CELA3A: variants seen among roughly 807,000 people sequenced by gnomAD.
The protein encoded by CELA3A is chymotrypsin like elastase 3A.
CELA3A carries 35 observed loss-of-function variants against 38.6 expected under a neutral mutation model. The observed-to-expected ratio is 0.91, with a 90% CI of 0.69 to 1.20. CELA3A has a LOEUF of 1.20. Among genes scored for constraint, CELA3A ranks in the 50% most tolerant of loss-of-function variants. The pLI, the probability that CELA3A is intolerant of heterozygous loss-of-function variation, is 0.00. For synonymous variants in CELA3A, 143 were observed against 136.7 expected (o/e 1.05, Z -0.32); for missense variants, 343 against 354.2 (o/e 0.97, Z 0.25).
At chr1:22,010,026 G>A (rs1247732065) in intron 7 of CELA3A, 169 bp downstream of exon 7, 8 of 1,046,648 alleles carry the variant, frequency 7.6e-6, no homozygotes, top group African/African-American at 1.7e-5. Flanking sequence ...CTGATACAGT[G>A]TGACCCCAGG....
At chr1:22,009,561 A>G in intron 6 of CELA3A, 144 bp from the exon 7 acceptor site, 1 of 1,131,834 alleles carries the variant, frequency 8.8e-7, no homozygotes, top group Non-Finnish European at 1.2e-6. Context: ...AAAAAAATAA[A>G]AATAATAAAT....
intron 1 of CELA3A, 139 bp from the exon 2 acceptor site, chr1:22,002,864 G>A: frequency 1.4e-6 from 1 of 724,842 alleles, no homozygotes; most frequent in Non-Finnish European, 2.3e-6. Context: ...TTCATATGTG[G>A]TTACTGAGGT....
intron 1 of CELA3A, chr1:22,002,732 C>A: frequency 2.1e-6 from 1 of 475,008 alleles, no homozygotes; most frequent in Non-Finnish European, 3.9e-6. Context: ...TCATCGAGGG[C>A]CAGGCATTGT....
intron 6 of CELA3A, among the ~76,000 whole-genome samples, chr1:22,008,509 C>T (rs1644964390): frequency 6.6e-6 from 1 of 150,816 alleles, no homozygotes; most frequent in African/African-American, 2.5e-5. Context: ...CCTGTAATCC[C>T]AGCACTTTGG....
chr1:22,007,958 C>T lies in CELA3A; in HGVS notation c.642+443C>T, dbSNP rs1365047372. Among the ~76,000 whole-genome samples the T allele has an allele frequency of 2.7e-5, 4 of 150,760 alleles. 1 individual carries two copies. Among genetic ancestry groups the T allele is most frequent in the Non-Finnish European group, 5.9e-5 (4 of 67,802 alleles). ...CTTGAGGCTAGGAGTTTGAGACCAG[C>T]CTAGGTAATATAGTGAGATGCCCAT... On this transcript the variant is annotated intron_variant, in intron 6 of 7. Coordinates refer to ENST00000290122, the MANE Select transcript of CELA3A (RefSeq NM_005747.5).
intron 2 of CELA3A, among the ~76,000 whole-genome samples, chr1:22,004,826 G>A (rs1169280750): frequency 1.1e-4 from 17 of 151,212 alleles, no homozygotes; most frequent in Non-Finnish European, 1.8e-4. Context: ...GGGGCTGGGC[G>A]CGGTGGCTCA....
At chr1:22,010,361 G>A (rs1644976386) in intron 7 of CELA3A, among the ~76,000 whole-genome samples, 1 of 151,338 alleles carries the variant, frequency 6.6e-6, no homozygotes, top group South Asian at 2.1e-4. Flanking sequence ...AGTCATGCCT[G>A]TAATCCCAGC....
intron 6 of CELA3A, 100 bp downstream of exon 6, chr1:22,007,615 C>T (rs1233489063): frequency 6.7e-7 from 1 of 1,501,714 alleles, no homozygotes. Context: ...GCCTGCTTGC[C>T]CCATTCAGCC....
chr1:22,009,834 G>T lies in CELA3A; in HGVS notation c.772G>T (p.Ala258Ser). 6.2e-7 allele frequency: 1 copy of T among 1,612,614 alleles called. No individual in the cohort carries two copies. The highest frequency in any genetic ancestry group is 8.5e-7 in the Non-Finnish European group (1 of 1,179,604). Residue 258 changes from alanine to serine, a missense_variant, in exon 7 of 8, where the codon GCC (alanine) becomes TCC (serine). Transcript: ENST00000290122. ...GCCCACGGTGTTCACTCGAGTCTCC[G>T]CCTTCATCGACTGGATTGAGGAGGT... is the stretch of plus-strand genomic sequence containing the variant. ...WKPTVFTRVS[A>S]FIDWIEETIA... is the part of the protein sequence containing the mutation.
Position 22,003,075 on chromosome 1 carries a change from G to A in CELA3A, c.116G>A (p.Ser39Asn). The change falls in exon 2 of 8, where the codon AGC (serine) becomes AAC (asparagine). Residue 39 changes from serine (S) to asparagine (N), a missense_variant. By Grantham distance (46) the Ser-to-Asn change is conservative (BLOSUM62 1). Transcript: ENST00000290122. ...VVHGEDAVPY[S>N]WPWQVSLQYE... Reference sequence around the variant, plus strand: ...CATGGTGAGGATGCGGTCCCCTACAGCTGGCCCTGGCAGGTAAGAGCAATA... The same window carrying A: ...CATGGTGAGGATGCGGTCCCCTACAACTGGCCCTGGCAGGTAAGAGCAATA... 6.3e-7 allele frequency: 1 copy of A among 1,577,726 alleles called. No individual in the cohort carries two copies.
At chr1:22,006,820 A>G (rs1213162420) in intron 4 of CELA3A, 58 bp from the exon 5 acceptor site, 2 of 1,592,236 alleles carry the variant, frequency 1.3e-6, no homozygotes, top group Non-Finnish European at 1.7e-6. Flanking sequence ...CAACGGCTAG[A>G]AGGTAGGACT....
intron 2 of CELA3A, among the ~76,000 whole-genome samples, chr1:22,004,075 G>GTTTTTTTTTTTTTTTTTTTTTTTGTTT: frequency 7.4e-6 from 1 of 135,644 alleles, no homozygotes; most frequent in Non-Finnish European, 1.5e-5. Flanking sequence ...TCTTTTCTTT[G>GTTTTTTTTTTTTTTTTTTTTTTTGTTT]TTTTTTTTTT....
chr1:22,011,609 A>G (rs1220700691), intron 7 of CELA3A, among the ~76,000 whole-genome samples: 1 of 126,116 alleles, frequency 7.9e-6, no homozygotes, highest in Non-Finnish European at 1.6e-5. Flanking sequence ...AATATAAAAA[A>G]ATTGGCCAGG....
In CELA3A at chr1:22,005,722, C is replaced by A. The variant is rs541381745; in HGVS notation, c.288C>A (p.Pro96=). The change falls in exon 4 of 8, where the codon CCC becomes CCA. Residue 96 remains proline (P), a synonymous_variant. Coordinates refer to ENST00000290122, the MANE Select transcript of CELA3A (RefSeq NM_005747.5). ...ACAACCTTGCTGTGAAGGAGGGCCC[C>A]GAGCAGGTGATCCCCATCAACTCTG... ...GEYNLAVKEG[P]EQVIPINSEE... is the part of the protein sequence containing the mutation. 1.9e-6 allele frequency: 3 copies of A among 1,612,256 alleles called. No homozygotes were observed. Among genetic ancestry groups the A allele is most frequent in the African/African-American group, 2.7e-5 (2 of 74,158 alleles).
chr1:22,008,684 A>G (rs1434521116), intron 6 of CELA3A, among the ~76,000 whole-genome samples: 2 of 149,894 alleles, frequency 1.3e-5, no homozygotes, highest in African/African-American at 2.5e-5. Flanking sequence ...GTGTGAACCC[A>G]GGAGTTGGAG....
At chr1:22,005,964 G>A (rs1307876407) in intron 4 of CELA3A, 168 bp downstream of exon 4, 75 of 1,185,794 alleles carry the variant, frequency 6.3e-5, no homozygotes, top group Non-Finnish European at 7.9e-5. Flanking sequence ...ACACACTGAG[G>A]ATTGAAGCCA....
Position 22,001,792 on chromosome 1 carries a change from G to A in CELA3A, c.43+75G>A, listed in dbSNP as rs1015269162. 91 of 1,580,958 alleles carry A rather than the reference G, an allele frequency of 5.8e-5. 1 individual carries two copies. Among genetic ancestry groups the A allele is most frequent in the Middle Eastern group, 1.7e-4 (1 of 6,028 alleles). On this transcript the variant is annotated intron_variant, in intron 1 of 7. Transcript: ENST00000290122. ...ATCCTTGAAATCTACCACTCGCTCT[G>A]AGTCCCATGACATGCTATGCCTGGT...
intron 4 of CELA3A, chr1:22,006,063 C>A: frequency 2.1e-6 from 1 of 475,286 alleles, no homozygotes; most frequent in Non-Finnish European, 3.7e-6. Context: ...TCTGCCAAGG[C>A]CACTTGGCTA....
chr1:22,009,192 C>T (rs914497625), intron 6 of CELA3A, among the ~76,000 whole-genome samples: 17 of 151,036 alleles, frequency 1.1e-4, no homozygotes, highest in Non-Finnish European at 1.6e-4. Flanking sequence ...GGTGAAACCC[C>T]GTCTCTACGA....
Sources: gnomAD v4.1 joint callset for allele counts (sites outside exome capture counted in the v4.1 genomes callset) on GRCh38, gnomAD v4.1.1 for gene constraint, MANE v1.5 for transcripts, NCBI Gene and HGNC (gene_info 2026-07-23, HGNC 2026-07-21) for gene names.